INTS7: variants seen among roughly 807,000 people sequenced by gnomAD.
INTS7 encodes the protein chromosome 1 open reading frame 73.
A neutral mutation model predicts 109.2 loss-of-function variants in INTS7; 46 were observed. The ratio of observed to expected loss-of-function variants is 0.42; its 90% CI spans 0.33 to 0.54. The LOEUF is 0.54. INTS7 is among the 20% of genes least tolerant of loss of function. INTS7 has a pLI of 0.07. For synonymous variants in INTS7, 412 were observed against 402.9 expected (o/e 1.02, Z -0.27); for missense variants, 929 against 1,132.4 (o/e 0.82, Z 2.58).
intron 13 of INTS7, 94 bp from the exon 14 acceptor site, chr1:211,968,801 CA>C: frequency 1.2e-6 from 1 of 843,086 alleles, no homozygotes; most frequent in Non-Finnish European, 1.8e-6. Context: ...TGGTCAAGTG[CA>C]GTAGTTCTCT....
Position 211,978,413 on chromosome 1 carries a change from G to C in INTS7, c.1329C>G (p.Asp443Glu), listed in dbSNP as rs755658007. The change falls in exon 11 of 20, where the codon GAC becomes GAG. Residue 443 changes from aspartate to glutamate, a missense_variant. Physicochemically the swap from Asp to Glu is conservative, Grantham distance 45 (BLOSUM62 2). This residue lies in a region of INTS7 where 787 missense variants were observed against 901.1 expected (regional missense o/e 0.87). Coordinates refer to ENST00000366994, the MANE Select transcript of INTS7 (RefSeq NM_015434.4). Reference protein sequence around the residue: ...TLLTQLHSAQDAARILMCHCL... With the variant: ...TLLTQLHSAQEAARILMCHCL... The stretch of plus-strand genomic sequence containing the variant: ...AATGGCACATCAAAATCCGGGCAGC[G>C]TCTTGAGCACTGTGCAATTGAGTCA... 8.7e-6 allele frequency: 14 copies of C among 1,614,074 alleles called. No homozygotes were observed. In the African/African-American group the frequency reaches 1.9e-4, roughly 22 times the overall value.
intron 5 of INTS7, among the ~76,000 whole-genome samples, chr1:212,009,369 C>A (rs1666069040): frequency 6.6e-6 from 1 of 152,098 alleles, no homozygotes; most frequent in Non-Finnish European, 1.5e-5. Context: ...CTCCAGCATC[C>A]TAGAAGGCTC....
At chr1:212,034,073 A>AGAGT (rs1447304080) in intron 1 of INTS7, among the ~76,000 whole-genome samples, 9 of 151,332 alleles carry the variant, frequency 5.9e-5, no homozygotes, top group Non-Finnish European at 1.5e-5. Flanking sequence ...ACAGAGCAAC[A>AGAGT]CTCTGTCTCC....
At chr1:212,010,461 C>T (rs1468134508) in intron 5 of INTS7, among the ~76,000 whole-genome samples, 2 of 152,176 alleles carry the variant, frequency 1.3e-5, no homozygotes, top group Non-Finnish European at 2.9e-5. Flanking sequence ...AACTGGAAGA[C>T]ACTGGAGGGA....
At chr1:211,963,119 C>T (rs2102403481) in intron 16 of INTS7, among the ~76,000 whole-genome samples, 1 of 152,158 alleles carries the variant, frequency 6.6e-6, no homozygotes, top group South Asian at 2.1e-4. Context: ...TGATAGACGG[C>T]TGGCTAGACT....
chr1:211,994,500 T>G (rs1221555073), intron 7 of INTS7, among the ~76,000 whole-genome samples: 2 of 150,704 alleles, frequency 1.3e-5, no homozygotes, highest in African/African-American at 4.9e-5. Context: ...CTCAGCTCAC[T>G]GCAACCTCTG....
At chr1:211,993,357 G>A (rs1348639560) in intron 7 of INTS7, among the ~76,000 whole-genome samples, 1 of 152,174 alleles carries the variant, frequency 6.6e-6, no homozygotes, top group Admixed American at 6.5e-5. Flanking sequence ...CTGTAACAGA[G>A]AGGTTGCATA....
At chr1:211,997,315 T>C (rs1304825772) in intron 7 of INTS7, among the ~76,000 whole-genome samples, 1 of 151,154 alleles carries the variant, frequency 6.6e-6, no homozygotes, top group Non-Finnish European at 1.5e-5. Context: ...GAGGCTGACG[T>C]GGGCAAATCA....
intron 16 of INTS7, among the ~76,000 whole-genome samples, chr1:211,963,104 C>A (rs1303865147): frequency 6.6e-6 from 1 of 151,990 alleles, no homozygotes; most frequent in East Asian, 1.9e-4. Context: ...AAATTAGTAT[C>A]TATTTGATAG....
intron 16 of INTS7, among the ~76,000 whole-genome samples, chr1:211,958,298 AT>A (rs1331161461): frequency 6.6e-5 from 10 of 151,006 alleles, no homozygotes; most frequent in Non-Finnish European, 1.0e-4. Context: ...ATAGGTTAAC[AT>A]TTTTTTTTCC....
rs547701961 is a variant in INTS7, at chr1:211,991,105, G to C, written c.880-3102C>G. On this transcript the variant is annotated intron_variant, in intron 7 of 19. Transcript: ENST00000366994. ...AGATTACATATCAAGAAATGAATAA[G>C]AAGGATTCAGTAAGTATTACAAACT... Among the ~76,000 whole-genome samples, 10 of 152,268 alleles carry C rather than the reference G, an allele frequency of 6.6e-5. No homozygotes were observed. In the South Asian group the frequency reaches 1.9e-3, roughly 28 times the overall value.
At chr1:211,979,025 A>G (rs1197368030) in intron 10 of INTS7, among the ~76,000 whole-genome samples, 2 of 152,118 alleles carry the variant, frequency 1.3e-5, no homozygotes, top group Admixed American at 1.3e-4. Flanking sequence ...GAGGTTCCCA[A>G]TTTTCTCTTA....
intron 14 of INTS7, 139 bp downstream of exon 14, chr1:211,968,374 T>C (rs1664006714): frequency 4.4e-6 from 3 of 679,626 alleles, no homozygotes; most frequent in Non-Finnish European, 4.9e-6. Flanking sequence ...GCCTATTTTT[T>C]AGCCAGACAG....
At chr1:211,957,564 C>T (rs573506938) in intron 16 of INTS7, among the ~76,000 whole-genome samples, 4 of 152,098 alleles carry the variant, frequency 2.6e-5, no homozygotes, top group South Asian at 4.2e-4. Context: ...AAAGAAAAAT[C>T]GGATTGTCGA....
At chr1:211,953,388 CTTA>C (rs1326758080) in intron 16 of INTS7, among the ~76,000 whole-genome samples, 2 of 151,756 alleles carry the variant, frequency 1.3e-5, no homozygotes, top group African/African-American at 4.8e-5. Flanking sequence ...ATTTTTTTAA[CTTA>C]TTATTTTTTA....
Position 212,007,301 on chromosome 1 carries a change from C to T in INTS7, c.705G>A (p.Leu235=). The change falls in exon 6 of 20, where the codon TTG becomes TTA. Residue 235 remains leucine (L), a synonymous_variant. Coordinates refer to ENST00000366994, the MANE Select transcript of INTS7 (RefSeq NM_015434.4). ...YPSTKMVIVS[L]HTFTLLAASS... ...ACGCTGCAAGCAGAGTGAAAGTGTG[C>T]AAAGACACAATCACCATTTTGGTGG... The T allele has an allele frequency of 6.2e-7, 1 of 1,613,886 alleles. No individual in the cohort carries two copies. Among genetic ancestry groups the T allele is most frequent in the Non-Finnish European group, 8.5e-7 (1 of 1,179,908 alleles).
At position 211,967,980 on chromosome 1, in the gene INTS7, A is replaced by G. The variant is rs749495276; in HGVS notation, c.2012T>C (p.Met671Thr). ...LQRCGRISNQ[M>T]KQSMEEFRSL... is the part of the protein sequence containing the mutation. The stretch of plus-strand genomic sequence containing the variant: ...TCGAAATTCTTCCATGGACTGTTTC[A>G]TCTATAAAAAAAAATCAATTATGAC... Residue 671 changes from methionine (M) to threonine (T), a missense_variant and splice_region_variant, in exon 15 of 20, where the codon ATG becomes ACG. This residue lies in a region of INTS7 where 787 missense variants were observed against 901.1 expected (regional missense o/e 0.87). Transcript: ENST00000366994. The G allele has an allele frequency of 6.6e-7, 1 of 1,520,494 alleles. No homozygotes were observed. The highest frequency in any genetic ancestry group is 9.0e-7 in the Non-Finnish European group (1 of 1,113,740). The allele number at this position is 1,520,494 out of a possible 1,614,324, so 94.2% of individuals were successfully genotyped here.
At chr1:211,947,456 G>C (rs1662890343) in intron 17 of INTS7, among the ~76,000 whole-genome samples, 1 of 152,122 alleles carries the variant, frequency 6.6e-6, no homozygotes, top group East Asian at 1.9e-4. Flanking sequence ...TTTAACTTCA[G>C]GTGAACCAGA....
intron 11 of INTS7, among the ~76,000 whole-genome samples, chr1:211,977,697 T>C (rs930033475): frequency 1.3e-5 from 2 of 152,240 alleles, no homozygotes; most frequent in African/African-American, 4.8e-5. Flanking sequence ...CTCTCAGTCC[T>C]GCAGAACTTT....
Sources: allele counts gnomAD v4.1 joint callset (sites outside exome capture counted in the v4.1 genomes callset), GRCh38; gene constraint gnomAD v4.1.1; regional missense constraint gnomAD v4.1.1; transcripts MANE v1.5; gene names NCBI Gene and HGNC (gene_info 2026-07-23, HGNC 2026-07-21).